FNBP1L: variants seen among roughly 807,000 people sequenced by gnomAD.
The protein encoded by FNBP1L is formin-binding protein 1-like.
In FNBP1L, 36 loss-of-function variants were observed where a neutral mutation model predicts 91.2. The ratio of observed to expected loss-of-function variants is 0.39; its 90% CI spans 0.30 to 0.52. FNBP1L has a LOEUF of 0.52. Ranked by LOEUF, FNBP1L falls within the 20% of genes least tolerant of loss-of-function variation. The pLI is 0.66. For missense variants in FNBP1L, 571 were observed against 732.1 expected (o/e 0.78, Z 2.54); for synonymous variants, 242 against 237.0 (o/e 1.02, Z -0.19).
chr1:93,502,332 T>A (rs1570809523), intron 2 of FNBP1L, among the ~76,000 whole-genome samples: 1 of 152,302 alleles, frequency 6.6e-6, no homozygotes, highest in East Asian at 1.9e-4. Context: ...TTTAAAACAC[T>A]TGTTAAGAAG....
intron 1 of FNBP1L, among the ~76,000 whole-genome samples, chr1:93,481,582 A>G (rs1669705881): frequency 6.6e-6 from 1 of 152,218 alleles, no homozygotes. Context: ...CTGTACTGAA[A>G]TGAACATACG....
intron 10 of FNBP1L, among the ~76,000 whole-genome samples, chr1:93,540,641 C>G (rs1201347503): frequency 6.6e-6 from 1 of 151,942 alleles, no homozygotes; most frequent in Non-Finnish European, 1.5e-5. Context: ...TAATATTTCA[C>G]ATAAGATTTC....
intron 1 of FNBP1L, among the ~76,000 whole-genome samples, chr1:93,496,743 C>T (rs949719935): frequency 6.6e-6 from 1 of 152,052 alleles, no homozygotes; most frequent in African/African-American, 2.4e-5. Context: ...GTTGCCCAGG[C>T]TGATCTCGAA....
chr1:93,450,444 A>G (rs1156399695), intron 1 of FNBP1L, among the ~76,000 whole-genome samples: 1 of 152,246 alleles, frequency 6.6e-6, no homozygotes, highest in Non-Finnish European at 1.5e-5. Flanking sequence ...GAAACTAAGT[A>G]ATGTAGAGTG....
intron 1 of FNBP1L, among the ~76,000 whole-genome samples, chr1:93,455,892 C>G (rs1404295549): frequency 6.6e-6 from 1 of 152,160 alleles, no homozygotes; most frequent in Non-Finnish European, 1.5e-5. Context: ...GTATTAACTT[C>G]TATGATTGGT....
chr1:93,543,085 C>A (rs192328561), intron 11 of FNBP1L, among the ~76,000 whole-genome samples: 2 of 152,078 alleles, frequency 1.3e-5, no homozygotes, highest in East Asian at 3.9e-4. Flanking sequence ...TGAGCCACTG[C>A]GCCTGGCCTT....
intron 1 of FNBP1L, among the ~76,000 whole-genome samples, chr1:93,482,719 C>T (rs916073223): frequency 2.6e-5 from 4 of 151,830 alleles, no homozygotes; most frequent in African/African-American, 9.7e-5. Context: ...ATGGTGAAAC[C>T]CCTCTCTCTA....
chr1:93,507,099 ACACACACACTCTCTCTCT>A (rs1243507193), intron 2 of FNBP1L, among the ~76,000 whole-genome samples: 270 of 66,238 alleles, frequency 4.1e-3, no homozygotes, highest in East Asian at 0.011. Flanking sequence ...ACACACACAC[ACACACACACTCTCTCTCT>A]CTCTCTCTCT....
intron 1 of FNBP1L, among the ~76,000 whole-genome samples, chr1:93,485,536 G>C (rs186349361): frequency 6.6e-6 from 1 of 152,210 alleles, no homozygotes; most frequent in Admixed American, 6.5e-5. Context: ...GGAGGTCCTA[G>C]CTAGTGAAAT....
chr1:93,486,215 AGTT>A (rs1402949729), intron 1 of FNBP1L, among the ~76,000 whole-genome samples: 2 of 152,182 alleles, frequency 1.3e-5, no homozygotes, highest in Non-Finnish European at 2.9e-5. Context: ...GTTCATGTGT[AGTT>A]ATTACAGCAT....
intron 1 of FNBP1L, among the ~76,000 whole-genome samples, chr1:93,460,087 G>A (rs1199571189): frequency 6.6e-6 from 1 of 152,004 alleles, no homozygotes; most frequent in African/African-American, 2.4e-5. Flanking sequence ...CATCATGTTG[G>A]CACTCAAAAG....
At chr1:93,529,599 T>C in intron 5 of FNBP1L, 53 bp from the exon 6 acceptor site, 1 of 1,107,438 alleles carries the variant, frequency 9.0e-7, no homozygotes, top group Middle Eastern at 2.3e-4. Flanking sequence ...ATTTCTTAAA[T>C]GAAGTTAGCC....
chr1:93,452,013 A>C (rs1668514095), intron 1 of FNBP1L, among the ~76,000 whole-genome samples: 1 of 152,222 alleles, frequency 6.6e-6, no homozygotes, highest in African/African-American at 2.4e-5. Context: ...AAACTGAAAA[A>C]TGTGGGTTGA....
At position 93,480,586 on chromosome 1, in the gene FNBP1L, AT is replaced by A. The variant is rs775311225; in HGVS notation, c.25-18869del. ...AAGTTGGGTCTCTTAGAGTCTCTTA[AT>A]TTTTTTTTTTTTAATTTTTTTTGAG... On this transcript the variant is annotated intron_variant, in intron 1 of 16. Transcript: ENST00000271234. Among the ~76,000 whole-genome samples, 272 of 145,592 alleles carry A rather than the reference AT, an allele frequency of 1.9e-3. 2 individuals carry two copies. The highest frequency in any genetic ancestry group is 2.2e-3 in the Non-Finnish European group (144 of 65,738).
intron 1 of FNBP1L, among the ~76,000 whole-genome samples, chr1:93,484,810 T>C (rs2101711519): frequency 6.6e-6 from 1 of 152,224 alleles, no homozygotes. Context: ...GTTTGAGATG[T>C]TGGGAGGCAG....
intron 1 of FNBP1L, among the ~76,000 whole-genome samples, chr1:93,467,613 A>C (rs1669136271): frequency 1.3e-5 from 2 of 152,160 alleles, no homozygotes; most frequent in Non-Finnish European, 2.9e-5. Context: ...TGAACTGTAC[A>C]CTTAAAAATG....
chr1:93,544,752 TCTTCA>T (rs1282151471), intron 12 of FNBP1L, among the ~76,000 whole-genome samples: 1 of 152,184 alleles, frequency 6.6e-6, no homozygotes, highest in East Asian at 1.9e-4. Flanking sequence ...ACTTGCTATG[TCTTCA>T]CTTACGATAA....
At chr1:93,465,169 G>A (rs1487834079) in intron 1 of FNBP1L, among the ~76,000 whole-genome samples, 2 of 134,676 alleles carry the variant, frequency 1.5e-5, no homozygotes, top group African/African-American at 5.5e-5. Flanking sequence ...CCCTGTTTCA[G>A]TGTCATGAGG....
At chr1:93,543,511 G>T (rs1672118172) in intron 11 of FNBP1L, among the ~76,000 whole-genome samples, 1 of 152,086 alleles carries the variant, frequency 6.6e-6, no homozygotes, top group African/African-American at 2.4e-5. Context: ...TCTATCTTTG[G>T]TTTTTAATGA....
Sources: gnomAD v4.1 joint callset for allele counts (sites outside exome capture counted in the v4.1 genomes callset) on GRCh38, gnomAD v4.1.1 for gene constraint, MANE v1.5 for transcripts, NCBI Gene and HGNC (gene_info 2026-07-23, HGNC 2026-07-21) for gene names.